Variants in UBR3 observed in about 807,000 individuals in gnomAD.
UBR3 encodes the protein ubiquitin protein ligase E3 component n-recognin 3.
A neutral mutation model predicts 243.2 loss-of-function variants in UBR3; 85 were observed. The ratio of observed to expected loss-of-function variants is 0.35; its 90% confidence interval spans 0.29 to 0.42. The LOEUF (loss-of-function observed/expected upper bound fraction) is 0.42. Among genes scored for constraint, UBR3 ranks in the 10% least tolerant of loss-of-function variants. The pLI, the probability that UBR3 is intolerant of heterozygous loss-of-function variation, is 1.00. For missense variants in UBR3, 1,686 were observed against 2,300.8 expected, an observed-to-expected ratio of 0.73 and a Z score of 5.47; for synonymous variants, 748 against 799.8, an observed-to-expected ratio of 0.94 and a Z score of 1.09.
chr2:169,880,589 G>C (rs2083784156), intron 5 of UBR3, among the ~76,000 whole-genome samples: 1 of 152,128 alleles, frequency 6.6e-6, no homozygotes, highest in Non-Finnish European at 1.5e-5. Context: ...TTGGGTGCTA[G>C]AAGGACATCC....
chr2:169,920,671 G>A (rs1319849221), intron 11 of UBR3, among the ~76,000 whole-genome samples: 6 of 151,986 alleles, frequency 3.9e-5, no homozygotes, highest in Non-Finnish European at 8.8e-5. Flanking sequence ...GTTGCCTAAC[G>A]TTACCATTTC....
At chr2:170,070,521 A>G (rs957288955) in intron 35 of UBR3, among the ~76,000 whole-genome samples, 11 of 152,120 alleles carry the variant, frequency 7.2e-5, no homozygotes, top group Non-Finnish European at 1.3e-4. Flanking sequence ...AGACATCCAG[A>G]TTGGAAAGGA....
At chr2:169,994,914 C>G (rs527313831) in intron 26 of UBR3, among the ~76,000 whole-genome samples, 1 of 152,126 alleles carries the variant, frequency 6.6e-6, no homozygotes, top group Admixed American at 6.5e-5. Flanking sequence ...CTAAATTGTC[C>G]TGGTATGAGT....
chr2:169,911,167 T>C (rs2105336927), intron 10 of UBR3, among the ~76,000 whole-genome samples: 1 of 152,300 alleles, frequency 6.6e-6, no homozygotes. Context: ...ATACTTTTAA[T>C]GCTCGATTAA....
intron 5 of UBR3, among the ~76,000 whole-genome samples, chr2:169,883,194 A>T (rs1454756197): frequency 6.6e-6 from 1 of 152,206 alleles, no homozygotes; most frequent in Non-Finnish European, 1.5e-5. Context: ...AGCCATAGTC[A>T]TCTGAGGGCT....
At chr2:169,865,526 G>A (rs1274677578) in intron 1 of UBR3, among the ~76,000 whole-genome samples, 6 of 152,074 alleles carry the variant, frequency 3.9e-5, no homozygotes, top group African/African-American at 1.4e-4. Context: ...CATTCTTGCT[G>A]TTCCTTTGGC....
chr2:169,981,839 ATACTC>A (rs1574334184), intron 24 of UBR3, among the ~76,000 whole-genome samples: 2 of 151,988 alleles, frequency 1.3e-5, no homozygotes, highest in Non-Finnish European at 2.9e-5. Flanking sequence ...AAGAAAGCGA[ATACTC>A]TATACACCAA....
At chr2:169,844,546 T>G (rs2082403779) in intron 1 of UBR3, among the ~76,000 whole-genome samples, 1 of 148,678 alleles carries the variant, frequency 6.7e-6, no homozygotes, top group Non-Finnish European at 1.5e-5. Flanking sequence ...CAGGATGGAG[T>G]GCAGTGGTGC....
chr2:169,923,799 TA>T, intron 11 of UBR3, 129 bp from the exon 12 acceptor site: 1 of 846,700 alleles, frequency 1.2e-6, no homozygotes, highest in Non-Finnish European at 1.8e-6. Context: ...CTGCATCTTC[TA>T]AAATGTTAAG....
chr2:169,869,254 C>G (rs1241875758), intron 1 of UBR3, among the ~76,000 whole-genome samples: 1 of 108,208 alleles, frequency 9.2e-6, no homozygotes, highest in Admixed American at 1.5e-4. Flanking sequence ...TGGAGTCTTG[C>G]TCTGTCACCT....
chr2:170,007,228 T>G (rs2089946208), intron 28 of UBR3, 38 bp downstream of exon 28: 5 of 1,545,224 alleles, frequency 3.2e-6, no homozygotes, highest in Non-Finnish European at 4.4e-6. Context: ...CCTGGTTAAC[T>G]CAGCTCTGAT....
chr2:169,950,441 T>C (rs1006900143), intron 23 of UBR3, among the ~76,000 whole-genome samples: 2 of 152,104 alleles, frequency 1.3e-5, no homozygotes, highest in Non-Finnish European at 2.9e-5. Context: ...ATCCAACTGC[T>C]TTAGTTTCTT....
chr2:169,951,566 G>C (rs1376419108), intron 23 of UBR3, among the ~76,000 whole-genome samples: 3 of 152,174 alleles, frequency 2.0e-5, no homozygotes, highest in African/African-American at 7.2e-5. Flanking sequence ...GTTAATGGGA[G>C]TAGTAGGACA....
chr2:170,073,410 C>T lies in UBR3; in HGVS notation c.5020-18C>T. 6.2e-7 allele frequency: 1 copy of T among 1,612,386 alleles called. No homozygotes were observed. The highest frequency in any genetic ancestry group is 8.5e-7 in the Non-Finnish European group (1 of 1,179,100). Reference sequence around the variant, plus strand: ...CTTGATGAAATATTTTCAGAATTTCCTATTTCATGTCTAAAAGGAAGAAGA... The same window carrying T: ...CTTGATGAAATATTTTCAGAATTTCTTATTTCATGTCTAAAAGGAAGAAGA... On this transcript the variant is annotated intron_variant, in intron 35 of 38. Transcript: ENST00000272793.
chr2:169,899,344 G>A (rs1023309359), intron 8 of UBR3, among the ~76,000 whole-genome samples: 9 of 152,218 alleles, frequency 5.9e-5, no homozygotes, highest in South Asian at 4.1e-4. Flanking sequence ...CTAACTTCAT[G>A]TAATATGATC....
chr2:170,054,979 ATT>A (rs1362676326), intron 32 of UBR3, among the ~76,000 whole-genome samples: 3 of 152,098 alleles, frequency 2.0e-5, no homozygotes, highest in African/African-American at 7.2e-5. Context: ...TGCTTTCATA[ATT>A]TCAGATCTGT....
chr2:170,078,698 C>T (rs2091857723), intron 36 of UBR3, among the ~76,000 whole-genome samples: 2 of 152,164 alleles, frequency 1.3e-5, no homozygotes, highest in Admixed American at 1.3e-4. Flanking sequence ...TGGACATCCA[C>T]CTGTTGCCTT....
intron 10 of UBR3, among the ~76,000 whole-genome samples, chr2:169,913,172 T>G (rs2085320068): frequency 6.6e-6 from 1 of 152,178 alleles, no homozygotes; most frequent in Non-Finnish European, 1.5e-5. Flanking sequence ...TCCTAACACT[T>G]TCTGTTTTAT....
At chr2:170,065,971 C>CT (rs200207380) in intron 35 of UBR3, among the ~76,000 whole-genome samples, 26,483 of 140,540 alleles carry the variant, frequency 0.19, 2,607 homozygotes, top group South Asian at 0.37. Context: ...TATCCCGTGC[C>CT]TTTTTTTTTT....
Sources: gnomAD v4.1 joint callset for allele counts (sites outside exome capture counted in the v4.1 genomes callset) on GRCh38, gnomAD v4.1.1 for gene constraint, MANE v1.5 for transcripts, NCBI Gene and HGNC (gene_info 2026-07-23, HGNC 2026-07-21) for gene names.